The following CDH18 variants were observed in gnomAD, a reference collection of about 807,000 sequenced individuals.
The protein encoded by CDH18 is cadherin 18.
In CDH18, 31 loss-of-function variants were observed where a neutral mutation model predicts 67.9. The observed-to-expected ratio is 0.46, with a 90% CI of 0.34 to 0.62. CDH18 has a LOEUF of 0.62. Ranked by LOEUF, CDH18 falls within the 20% of genes least tolerant of loss-of-function variation. CDH18 has a pLI of 0.01. For synonymous variants in CDH18, 362 were observed against 347.2 expected (o/e 1.04, Z -0.48); for missense variants, 890 against 975.5 (o/e 0.91, Z 1.17).
intron 2 of CDH18, among the ~76,000 whole-genome samples, chr5:19,870,282 C>T (rs1786105337): frequency 6.6e-6 from 1 of 152,098 alleles, no homozygotes; most frequent in Admixed American, 6.6e-5. Context: ...TGGATTCTCA[C>T]TGTCTAAATA....
chr5:19,752,524 A>T (rs980651456), intron 3 of CDH18, among the ~76,000 whole-genome samples: 1 of 151,996 alleles, frequency 6.6e-6, no homozygotes, highest in Non-Finnish European at 1.5e-5. Flanking sequence ...TGGCAGCAAG[A>T]CCCACCCAAG....
intron 3 of CDH18, among the ~76,000 whole-genome samples, chr5:19,819,917 A>G (rs1779687319): frequency 1.3e-5 from 2 of 152,160 alleles, no homozygotes; most frequent in Non-Finnish European, 2.9e-5. Context: ...GGAGGCACAC[A>G]GCACAGCCTC....
At chr5:20,410,107 C>G (rs1172344166) in intron 1 of CDH18, among the ~76,000 whole-genome samples, 1 of 151,656 alleles carries the variant, frequency 6.6e-6, no homozygotes, top group African/African-American at 2.4e-5. Context: ...AAGAATTGAA[C>G]AGGAGTAAAC....
intron 2 of CDH18, among the ~76,000 whole-genome samples, chr5:20,092,442 A>C (rs1394009625): frequency 1.3e-5 from 2 of 152,208 alleles, no homozygotes; most frequent in Non-Finnish European, 2.9e-5. Flanking sequence ...ATGACAAAAC[A>C]ACCTAAAGAG....
At chr5:20,385,261 C>G (rs1237674147) in intron 1 of CDH18, among the ~76,000 whole-genome samples, 1 of 152,086 alleles carries the variant, frequency 6.6e-6, no homozygotes, top group Non-Finnish European at 1.5e-5. Context: ...TAAATAATTC[C>G]CACAGATCAG....
intron 2 of CDH18, among the ~76,000 whole-genome samples, chr5:19,912,054 G>A (rs1346610790): frequency 3.9e-5 from 6 of 151,992 alleles, no homozygotes; most frequent in African/African-American, 1.4e-4. Context: ...AGTCATCTAG[G>A]TTACATGTTA....
At chr5:19,872,173 G>A (rs572212969) in intron 2 of CDH18, among the ~76,000 whole-genome samples, 29 of 152,210 alleles carry the variant, frequency 1.9e-4, no homozygotes, top group African/African-American at 6.5e-4. Context: ...ACAGCCTGCT[G>A]CTAAGATTCT....
In CDH18 at chr5:19,587,056, GT is replaced by G. The variant is rs754910151; in HGVS notation, c.999+4000del. ...TGTCCTTTGCCCACTTTTTAATGAG[GT>G]TTTTTTTTTCTTGCAAATACATTTA... On this transcript the variant is annotated intron_variant, in intron 7 of 12. Coordinates refer to ENST00000382275, the MANE Select transcript of CDH18 (RefSeq NM_004934.5). Among the ~76,000 whole-genome samples the G allele has an allele frequency of 1.7e-3, 254 of 148,538 alleles. 5 individuals carry two copies. Among genetic ancestry groups the G allele is most frequent in the Admixed American group, 0.016 (237 of 14,836 alleles).
intron 6 of CDH18, among the ~76,000 whole-genome samples, chr5:19,593,750 C>CTTT (rs1745707471): frequency 7.6e-6 from 1 of 132,304 alleles, no homozygotes; most frequent in Non-Finnish European, 1.6e-5. Flanking sequence ...TCTTCTTCTT[C>CTTT]TTCTTCTTCT....
At chr5:19,852,450 C>A (rs1783814217) in intron 2 of CDH18, among the ~76,000 whole-genome samples, 1 of 151,900 alleles carries the variant, frequency 6.6e-6, no homozygotes, top group Non-Finnish European at 1.5e-5. Context: ...GGAGGGCACC[C>A]AGACATTTGT....
intron 11 of CDH18, among the ~76,000 whole-genome samples, chr5:19,487,864 AATAAAT>A (rs1243873731): frequency 6.6e-6 from 1 of 152,166 alleles, no homozygotes; most frequent in Non-Finnish European, 1.5e-5. Context: ...CAATCATAAT[AATAAAT>A]ATAATTTATC....
intron 11 of CDH18, among the ~76,000 whole-genome samples, chr5:19,491,037 T>C (rs886386955): frequency 6.6e-6 from 1 of 152,152 alleles, no homozygotes; most frequent in African/African-American, 2.4e-5. Flanking sequence ...AGGGTCAAGA[T>C]TGTATACATG....
chr5:20,221,475 C>T (rs62353934), intron 2 of CDH18, among the ~76,000 whole-genome samples: 8,680 of 151,904 alleles, frequency 0.057, 336 homozygotes, highest in Non-Finnish European at 0.084. Flanking sequence ...GGAAGTGTAG[C>T]GCGGGGTTGG....
intron 1 of CDH18, among the ~76,000 whole-genome samples, chr5:20,282,132 C>A (rs1386982722): frequency 6.6e-6 from 1 of 152,160 alleles, no homozygotes; most frequent in Non-Finnish European, 1.5e-5. Context: ...ATGGGGTTTT[C>A]TAGATATACA....
intron 11 of CDH18, among the ~76,000 whole-genome samples, chr5:19,489,111 C>G (rs761790620): frequency 2.0e-5 from 3 of 152,080 alleles, no homozygotes; most frequent in Non-Finnish European, 4.4e-5. Flanking sequence ...GCTTTGGATT[C>G]ACAAATAATG....
chr5:19,727,338 TA>T (rs1342835952), intron 4 of CDH18, among the ~76,000 whole-genome samples: 1 of 152,084 alleles, frequency 6.6e-6, no homozygotes, highest in Non-Finnish European at 1.5e-5. Context: ...GGCATCCTTA[TA>T]AAAATGAAAA....
chr5:20,049,834 T>A (rs777390077), intron 2 of CDH18, among the ~76,000 whole-genome samples: 5 of 151,886 alleles, frequency 3.3e-5, no homozygotes, highest in Non-Finnish European at 7.4e-5. Flanking sequence ...AGAAGAGAAC[T>A]GGACAGGAAG....
At chr5:19,770,156 T>C (rs1165603923) in intron 3 of CDH18, among the ~76,000 whole-genome samples, 1 of 152,124 alleles carries the variant, frequency 6.6e-6, no homozygotes. Flanking sequence ...TAAGCATTTG[T>C]CAATTTCTCA....
intron 2 of CDH18, among the ~76,000 whole-genome samples, chr5:20,124,869 G>A (rs764757971): frequency 1.2e-4 from 18 of 152,108 alleles, no homozygotes; most frequent in Non-Finnish European, 2.5e-4. Flanking sequence ...GCAATATCTG[G>A]TACATGACTT....
Sources: gnomAD v4.1 joint callset for allele counts (sites outside exome capture counted in the v4.1 genomes callset) on GRCh38, gnomAD v4.1.1 for gene constraint, MANE v1.5 for transcripts, NCBI Gene and HGNC (gene_info 2026-07-23, HGNC 2026-07-21) for gene names.